The following TMEM117 variants were observed in gnomAD, a reference collection of about 807,000 sequenced individuals.
TMEM117 encodes transmembrane protein 117.
In TMEM117, 27 loss-of-function variants were observed where a neutral mutation model predicts 52.4. That is an observed-to-expected ratio of 0.51 (90% confidence interval 0.38 to 0.71). TMEM117 has a LOEUF of 0.71. TMEM117 is among the 30% of genes least tolerant of loss of function. The pLI is 0.00. For missense variants in TMEM117, 556 were observed against 630.5 expected (o/e 0.88, Z 1.26); for synonymous variants, 215 against 206.3 (o/e 1.04, Z -0.36).
chr12:44,021,950 A>G (rs1029995325), intron 3 of TMEM117, among the ~76,000 whole-genome samples: 8 of 152,204 alleles, frequency 5.3e-5, no homozygotes, highest in African/African-American at 1.7e-4. Context: ...CAACCCCCAA[A>G]TCCTTGAACT....
chr12:44,070,553 T>C (rs1051360694), intron 3 of TMEM117, among the ~76,000 whole-genome samples: 1 of 152,162 alleles, frequency 6.6e-6, no homozygotes, highest in Non-Finnish European at 1.5e-5. Context: ...ACCAGGCTCT[T>C]CATGTACATT....
chr12:43,954,681 G>A (rs1390462033), intron 3 of TMEM117, among the ~76,000 whole-genome samples: 1 of 151,474 alleles, frequency 6.6e-6, no homozygotes, highest in African/African-American at 2.4e-5. Flanking sequence ...AAAAAGCCCA[G>A]GTCCAGAATT....
At chr12:43,885,434 A>C (rs1404260782) in intron 2 of TMEM117, among the ~76,000 whole-genome samples, 1 of 117,946 alleles carries the variant, frequency 8.5e-6, no homozygotes, top group African/African-American at 2.8e-5. Flanking sequence ...TTTTTTTGAT[A>C]TCCAGATACA....
chr12:43,945,035 C>T (rs1375126107), intron 3 of TMEM117, among the ~76,000 whole-genome samples: 1 of 151,928 alleles, frequency 6.6e-6, no homozygotes, highest in Non-Finnish European at 1.5e-5. Context: ...TGCTTGAACC[C>T]AGGAAGCGGA....
At chr12:44,324,751 C>G (rs777418011) in intron 6 of TMEM117, among the ~76,000 whole-genome samples, 1 of 152,096 alleles carries the variant, frequency 6.6e-6, no homozygotes, top group African/African-American at 2.4e-5. Context: ...ATGTTGCTAA[C>G]ATTTCTCATG....
intron 5 of TMEM117, among the ~76,000 whole-genome samples, chr12:44,242,805 T>C (rs1312840892): frequency 6.6e-6 from 1 of 151,124 alleles, no homozygotes; most frequent in Non-Finnish European, 1.5e-5. Context: ...GGTCAAATGG[T>C]AGTTTCATTT....
At chr12:44,359,968 G>C (rs772960315) in intron 6 of TMEM117, among the ~76,000 whole-genome samples, 1 of 152,022 alleles carries the variant, frequency 6.6e-6, no homozygotes, top group Non-Finnish European at 1.5e-5. Flanking sequence ...TATGAAACCA[G>C]ATTAAAAATA....
At chr12:44,279,497 ATTTTC>A (rs1309108372) in intron 5 of TMEM117, among the ~76,000 whole-genome samples, 2 of 150,396 alleles carry the variant, frequency 1.3e-5, no homozygotes, top group African/African-American at 2.4e-5. Flanking sequence ...CAAGTTTGCA[ATTTTC>A]TTTTCTTTTC....
intron 2 of TMEM117, among the ~76,000 whole-genome samples, chr12:43,920,373 C>T (rs752090575): frequency 2.4e-4 from 36 of 151,984 alleles, no homozygotes; most frequent in South Asian, 1.9e-3. Flanking sequence ...ATTAGCCGGG[C>T]GTGGTGGCAG....
chr12:44,020,350 A>G (rs1223731304), intron 3 of TMEM117, among the ~76,000 whole-genome samples: 2 of 152,176 alleles, frequency 1.3e-5, no homozygotes, highest in Admixed American at 1.3e-4. Flanking sequence ...GCCTCTTACT[A>G]TCCACCTTCG....
chr12:43,987,124 G>A (rs1405436721), intron 3 of TMEM117, among the ~76,000 whole-genome samples: 1 of 152,090 alleles, frequency 6.6e-6, no homozygotes, highest in Non-Finnish European at 1.5e-5. Context: ...AATCCAATAT[G>A]ACTTGTGTCT....
intron 6 of TMEM117, among the ~76,000 whole-genome samples, chr12:44,327,157 A>G (rs1951207242): frequency 6.6e-6 from 1 of 151,948 alleles, no homozygotes; most frequent in African/African-American, 2.4e-5. Flanking sequence ...AAGAACCTTA[A>G]CATCTCAAAA....
intron 6 of TMEM117, among the ~76,000 whole-genome samples, chr12:44,337,461 C>CTG (rs1951356542): frequency 1.3e-5 from 2 of 152,104 alleles, no homozygotes; most frequent in Admixed American, 1.3e-4. Flanking sequence ...CTAGCAGTAC[C>CTG]TGGTGACATT....
At chr12:44,235,598 T>C (rs1469766102) in intron 5 of TMEM117, among the ~76,000 whole-genome samples, 2 of 151,812 alleles carry the variant, frequency 1.3e-5, no homozygotes, top group Non-Finnish European at 2.9e-5. Context: ...CCTTAACTTA[T>C]TAAAGTCTTA....
At chr12:43,882,826 A>G (rs1943921582) in intron 2 of TMEM117, among the ~76,000 whole-genome samples, 2 of 152,174 alleles carry the variant, frequency 1.3e-5, no homozygotes, top group African/African-American at 4.8e-5. Flanking sequence ...AGATTCTGGA[A>G]TTGGCAAAAA....
At chr12:44,376,527 AT>A in intron 6 of TMEM117, 67 bp from the exon 7 acceptor site, 1 of 1,572,080 alleles carries the variant, frequency 6.4e-7, no homozygotes. Context: ...TAAAAAGTCA[AT>A]TTTTGGTGTT....
chr12:44,377,590 T>C (rs1293289653), intron 7 of TMEM117, among the ~76,000 whole-genome samples: 2 of 152,224 alleles, frequency 1.3e-5, no homozygotes, highest in Non-Finnish European at 2.9e-5. Flanking sequence ...CTACGTTTTA[T>C]ATCTGTCTTT....
intron 3 of TMEM117, among the ~76,000 whole-genome samples, chr12:44,044,135 G>A (rs1320292621): frequency 6.6e-6 from 1 of 152,174 alleles, no homozygotes; most frequent in Admixed American, 6.5e-5. Context: ...AAGATATACT[G>A]TTGACCAATG....
intron 1 of TMEM117, among the ~76,000 whole-genome samples, chr12:43,837,953 C>T (rs903193463): frequency 6.6e-6 from 1 of 152,136 alleles, no homozygotes; most frequent in Non-Finnish European, 1.5e-5. Flanking sequence ...TAGATGTAAA[C>T]CTCTAAATTA....
Sources: allele counts gnomAD v4.1 joint callset (sites outside exome capture counted in the v4.1 genomes callset), GRCh38; gene constraint gnomAD v4.1.1; transcripts MANE v1.5; gene names NCBI Gene and HGNC (gene_info 2026-07-23, HGNC 2026-07-21).